The following INSL6 variants were observed in gnomAD, a reference collection of about 807,000 sequenced individuals.
INSL6 encodes the protein insulin-like peptide INSL6.
Under a neutral mutation model 9.4 loss-of-function variants are expected in INSL6, and 16 were observed. The observed-to-expected ratio is 1.70, with a 90% CI of 1.15 to 2.59. INSL6 has a LOEUF of 2.59. Among genes scored for constraint, INSL6 ranks in the 30% most tolerant of loss-of-function variants. The pLI, the probability that INSL6 is intolerant of heterozygous loss-of-function variation, is 0.00. For synonymous variants in INSL6, 154 were observed against 96.9 expected, an observed-to-expected ratio of 1.59 and a Z score of -3.46; for missense variants, 391 against 257.3, an observed-to-expected ratio of 1.52 and a Z score of -3.56.
the INSL6 span, chr9:5,112,479 C>T: frequency 1.8e-6 from 1 of 552,358 alleles, no homozygotes; most frequent in Non-Finnish European, 3.3e-6. Flanking sequence ...ACCGGACCAG[C>T]CCAGACAAGG....
the INSL6 span, among the ~76,000 whole-genome samples, chr9:5,044,110 C>G: frequency 6.6e-6 from 1 of 152,186 alleles, no homozygotes; most frequent in African/African-American, 2.4e-5. Context: ...CTGGATTAAG[C>G]TATGTTTTTA....
chr9:5,001,403 T>C, the INSL6 span, among the ~76,000 whole-genome samples: 1 of 152,178 alleles, frequency 6.6e-6, no homozygotes. Context: ...TGAATTGGTG[T>C]TGACTTTTGT....
At chr9:5,130,959 G>C (rs960267963) in intron 3 of INSL6, among the ~76,000 whole-genome samples, 2 of 151,328 alleles carry the variant, frequency 1.3e-5, no homozygotes, top group Non-Finnish European at 2.9e-5. Context: ...TCGATCTCCT[G>C]ACCTCATGAT....
At chr9:5,022,916 A>G in the INSL6 span, among the ~76,000 whole-genome samples, 2 of 152,242 alleles carry the variant, frequency 1.3e-5, no homozygotes, top group Non-Finnish European at 1.5e-5. Context: ...AATGTCTAAT[A>G]TAGTATTTAT....
At chr9:5,147,744 T>C (rs776264971) in intron 2 of INSL6, among the ~76,000 whole-genome samples, 13 of 152,256 alleles carry the variant, frequency 8.5e-5, no homozygotes, top group Non-Finnish European at 1.8e-4. Flanking sequence ...GGATGTTTTG[T>C]TCATTTTTAA....
At chr9:5,139,051 TAAA>T (rs1447417361) in intron 2 of INSL6, among the ~76,000 whole-genome samples, 3 of 152,104 alleles carry the variant, frequency 2.0e-5, no homozygotes, top group African/African-American at 7.2e-5. Flanking sequence ...TGTATTAAAA[TAAA>T]AATAAAATTT....
intron 1 of INSL6, among the ~76,000 whole-genome samples, chr9:5,167,793 G>A (rs993017256): frequency 6.6e-6 from 1 of 152,150 alleles, no homozygotes; most frequent in Non-Finnish European, 1.5e-5. Flanking sequence ...CTCCAAACTG[G>A]GTGAGACCTC....
downstream of INSL6, among the ~76,000 whole-genome samples, chr9:5,119,207 G>A (rs1300249703): frequency 1.3e-5 from 2 of 152,008 alleles, no homozygotes; most frequent in Admixed American, 1.3e-4. Flanking sequence ...ATTTCTGGCA[G>A]AAAAACTCAG....
the INSL6 span, among the ~76,000 whole-genome samples, chr9:5,038,805 C>T: frequency 1.1e-4 from 16 of 152,038 alleles, no homozygotes; most frequent in Non-Finnish European, 2.1e-4. Flanking sequence ...AGATGAAATA[C>T]TATGACCAGG....
At chr9:5,048,889 G>A in the INSL6 span, among the ~76,000 whole-genome samples, 1 of 152,088 alleles carries the variant, frequency 6.6e-6, no homozygotes, top group Non-Finnish European at 1.5e-5. Flanking sequence ...GTTATTTTAG[G>A]TAATATGGCT....
chr9:5,039,139 A>C, the INSL6 span, among the ~76,000 whole-genome samples: 2 of 152,088 alleles, frequency 1.3e-5, no homozygotes, highest in African/African-American at 2.4e-5. Flanking sequence ...TTAACACTAT[A>C]CTGTAGATTC....
At chr9:5,136,099 C>T (rs933726431) in intron 2 of INSL6, among the ~76,000 whole-genome samples, 6 of 152,066 alleles carry the variant, frequency 3.9e-5, no homozygotes, top group African/African-American at 1.2e-4. Context: ...CTGAATAGAC[C>T]AATAACAACT....
At chr9:5,045,952 G>A in the INSL6 span, among the ~76,000 whole-genome samples, 5 of 151,966 alleles carry the variant, frequency 3.3e-5, no homozygotes, top group African/African-American at 9.7e-5. Flanking sequence ...TTTTTTTTGA[G>A]GAACTGCTAC....
chr9:5,118,514 T>C, the INSL6 span, among the ~76,000 whole-genome samples: 1 of 152,240 alleles, frequency 6.6e-6, no homozygotes, highest in Non-Finnish European at 1.5e-5. Flanking sequence ...ATAACAAATT[T>C]GGATAATTGC....
chr9:5,085,458 A>C, the INSL6 span: 3 of 734,300 alleles, frequency 4.1e-6, no homozygotes, highest in Non-Finnish European at 5.1e-6. Flanking sequence ...AGGTCTTTTC[A>C]AGGTATTGTG....
In INSL6 at chr9:5,164,118, T is replaced by C; in HGVS notation, c.437A>G (p.Lys146Arg). 1 of 1,612,642 alleles carries C rather than the reference T, an allele frequency of 6.2e-7. No homozygotes were observed. The highest frequency in any genetic ancestry group is 8.5e-7 in the Non-Finnish European group (1 of 1,179,606). The change falls in exon 2 of 2, where the codon AAA becomes AGA. Residue 146 changes from lysine (K) to arginine (R), a missense_variant. Transcript: ENST00000381641. ...TTTGTTTCTACGTTTCTTCTGAAAT[T>C]TTGCATTCTCATGAATATATACATT... is the stretch of plus-strand genomic sequence containing the variant. ...NINVYIHENA[K>R]FQKKRRNKIK...
the INSL6 span, among the ~76,000 whole-genome samples, chr9:5,000,655 A>G: frequency 1.3e-5 from 2 of 152,122 alleles, no homozygotes; most frequent in African/African-American, 2.4e-5. Flanking sequence ...AATTTTCCCT[A>G]TATGCTCAAA....
At chr9:4,997,593 T>C in the INSL6 span, among the ~76,000 whole-genome samples, 1 of 152,224 alleles carries the variant, frequency 6.6e-6, no homozygotes, top group East Asian at 1.9e-4. Context: ...ACCTCCAACA[T>C]TGGGGATTAC....
chr9:5,139,303 A>G (rs1202037435), intron 2 of INSL6, among the ~76,000 whole-genome samples: 1 of 152,106 alleles, frequency 6.6e-6, no homozygotes, highest in African/African-American at 2.4e-5. Context: ...CCATTTGTTC[A>G]TAGTTGGATT....
Sources: allele counts gnomAD v4.1 joint callset (sites outside exome capture counted in the v4.1 genomes callset), GRCh38; gene constraint gnomAD v4.1.1; transcripts MANE v1.5; gene names NCBI Gene and HGNC (gene_info 2026-07-23, HGNC 2026-07-21).